The following HOOK2 variants were observed in gnomAD, a reference collection of about 807,000 sequenced individuals.
HOOK2 encodes the protein protein Hook homolog 2.
A neutral mutation model predicts 111.9 loss-of-function variants in HOOK2; 108 were observed. The observed-to-expected ratio is 0.96, with a 90% CI of 0.83 to 1.13. HOOK2 has a LOEUF of 1.13. Ranked by LOEUF, HOOK2 falls within the 50% of genes most tolerant of loss-of-function variation. HOOK2 has a pLI of 0.00. For synonymous variants in HOOK2, 405 were observed against 394.3 expected, an observed-to-expected ratio of 1.03 and a Z score of -0.32; for missense variants, 978 against 951.3, an observed-to-expected ratio of 1.03 and a Z score of -0.37.
chr19:12,787,709 T>C (rs1240988963), intron 3 of HOOK2, among the ~76,000 whole-genome samples: 1 of 152,024 alleles, frequency 6.6e-6, no homozygotes, highest in East Asian at 1.9e-4. Context: ...CCCAAAGTGC[T>C]GAGATTATAG....
At chr19:12,779,567 G>T (rs1417623770), upstream of HOOK2, among the ~76,000 whole-genome samples, 1 of 152,198 alleles carries the variant, frequency 6.6e-6, no homozygotes, top group Non-Finnish European at 1.5e-5. Flanking sequence ...TGTTGCCCAG[G>T]ATGGTCTCGA....
At chr19:12,788,630 G>A (rs973576227) in intron 3 of HOOK2, among the ~76,000 whole-genome samples, 2 of 151,666 alleles carry the variant, frequency 1.3e-5, no homozygotes, top group East Asian at 3.9e-4. Context: ...CCTCAGCCCT[G>A]GCCAGGGCTG....
At chr19:12,773,377 T>C (rs757319148) in intron 3 of HOOK2, 11 of 289,908 alleles carry the variant, frequency 3.8e-5, no homozygotes, top group Non-Finnish European at 7.3e-5. Context: ...TGCCTCCCAG[T>C]AGCTGGGACT....
chr19:12,780,106 C>A (rs901762404), upstream of HOOK2, among the ~76,000 whole-genome samples: 1 of 152,072 alleles, frequency 6.6e-6, no homozygotes, highest in Non-Finnish European at 1.5e-5. Context: ...GCCGAGAACG[C>A]GCCATTACAC....
upstream of HOOK2, among the ~76,000 whole-genome samples, chr19:12,781,573 G>A (rs897784678): frequency 2.6e-5 from 4 of 152,006 alleles, no homozygotes; most frequent in Non-Finnish European, 5.9e-5. Flanking sequence ...TGATCCGCCC[G>A]CCTTGGCCTC....
intron 14 of HOOK2, chr19:12,766,505 G>A (rs778659907): frequency 2.3e-6 from 1 of 439,404 alleles, no homozygotes; most frequent in Admixed American, 4.1e-5. Flanking sequence ...TGGGACTGCT[G>A]GAAAGCGGGA....
chr19:12,789,418 A>T (rs1004971921), intron 3 of HOOK2, among the ~76,000 whole-genome samples: 3 of 152,030 alleles, frequency 2.0e-5, no homozygotes, highest in African/African-American at 7.2e-5. Flanking sequence ...GGAAGCTCTC[A>T]GATGACAGAG....
At chr19:12,773,535 C>T (rs1215285058) in intron 3 of HOOK2, among the ~76,000 whole-genome samples, 1 of 152,090 alleles carries the variant, frequency 6.6e-6, no homozygotes, top group Non-Finnish European at 1.5e-5. Flanking sequence ...GCATGAGCCA[C>T]TGTGCCCGGC....
upstream of HOOK2, among the ~76,000 whole-genome samples, chr19:12,778,121 G>T (rs1968560775): frequency 6.6e-6 from 1 of 151,082 alleles, no homozygotes; most frequent in African/African-American, 2.4e-5. Flanking sequence ...CTAATTAGAG[G>T]TTATTAGCTG....
chr19:12,767,475 C>G lies in HOOK2; in HGVS notation c.1304-11G>C. 1 of 1,610,804 alleles carries G rather than the reference C, an allele frequency of 6.2e-7. No homozygotes were observed. Among genetic ancestry groups the G allele is most frequent in the Non-Finnish European group, 8.5e-7 (1 of 1,177,028 alleles). On this transcript the variant is annotated splice_polypyrimidine_tract_variant and intron_variant, in intron 13 of 22. Coordinates refer to ENST00000397668, the MANE Select transcript of HOOK2 (RefSeq NM_013312.3). Reference sequence around the variant, plus strand: ...GATCCAGTGAGGGATCTGAAGAATGCGAGAAAAGTCTTCAGGTCTCTTCGC... The same window carrying G: ...GATCCAGTGAGGGATCTGAAGAATGGGAGAAAAGTCTTCAGGTCTCTTCGC...
intron 18 of HOOK2, chr19:12,765,293 G>T: frequency 1.6e-6 from 1 of 609,222 alleles, no homozygotes; most frequent in Non-Finnish European, 2.9e-6. Context: ...TAGCAGGTAT[G>T]CCCCGGAACA....
chr19:12,783,020 G>A (rs1177606842), upstream of HOOK2, among the ~76,000 whole-genome samples: 4 of 152,210 alleles, frequency 2.6e-5, no homozygotes, highest in African/African-American at 9.6e-5. Context: ...GTGATCCCGG[G>A]AGAAGGGGGC....
chr19:12,771,605 G>A lies in HOOK2; in HGVS notation c.520-128C>T, dbSNP rs1968330090. On this transcript the variant is annotated intron_variant, in intron 7 of 22. Coordinates refer to ENST00000397668, the MANE Select transcript of HOOK2 (RefSeq NM_013312.3). ...CAGGATTGAAAAGAGGGCTGGCGCC[G>A]GGTGCAGTGGCTCGCGCCTATAATC... 1.9e-5 allele frequency: 15 copies of A among 784,936 alleles called. No homozygotes were observed. In the South Asian group the frequency reaches 1.9e-4, roughly 10 times the overall value. 48.6% of individuals were successfully genotyped at this position (784,936 alleles called of 1,614,324 possible). A position where few individuals can be genotyped will look rare whatever the true frequency, so the allele number is the denominator to read the frequency against.
At chr19:12,784,027 C>G (rs1031176768) in intron 3 of HOOK2, among the ~76,000 whole-genome samples, 14 of 152,048 alleles carry the variant, frequency 9.2e-5, no homozygotes, top group African/African-American at 3.1e-4. Flanking sequence ...GCTGCAGCCC[C>G]ACCCCCGCCG....
chr19:12,775,216 C>CA (rs1183763544), intron 1 of HOOK2, 189 bp downstream of exon 1: 1 of 985,282 alleles, frequency 1.0e-6, no homozygotes, highest in Non-Finnish European at 1.2e-6. Flanking sequence ...GGCGGGGCCT[C>CA]ACCTGTCCTT....
Position 12,770,024 on chromosome 19 carries a change from A to C in HOOK2, c.961T>G (p.Leu321Val). The C allele has an allele frequency of 1.3e-6, 2 of 1,540,874 alleles. No individual in the cohort carries two copies. Among genetic ancestry groups the C allele is most frequent in the East Asian group, 2.5e-5 (1 of 40,748 alleles). The change falls in exon 11 of 23, where the codon TTG becomes GTG. Residue 321 changes from leucine to valine, a missense_variant. By Grantham distance (32) the Leu-to-Val change is conservative (BLOSUM62 1). Around this residue, in one of 5 missense-constraint regions of HOOK2, gnomAD observed 388 missense variants for 358.3 expected, o/e 1.08. Transcript: ENST00000397668. ...EATLTSCRRRLGELRELRRQV... is the reference protein window; with the variant it reads ...EATLTSCRRRVGELRELRRQV... The stretch of plus-strand genomic sequence containing the variant: ...CGCCGCAGCTCCCTCAGCTCGCCCA[A>C]GCGGCGCCGGCAACTGGTCAGCGTG...
intron 19 of HOOK2, 31 bp from the exon 20 acceptor site, chr19:12,764,948 G>A (rs763358592): frequency 3.7e-6 from 6 of 1,612,658 alleles, no homozygotes; most frequent in South Asian, 1.1e-5. Flanking sequence ...TCAGCTCCAC[G>A]CTGCTGGGCT....
chr19:12,768,186 C>A, intron 11 of HOOK2, 63 bp from the exon 12 acceptor site: 1 of 1,300,506 alleles, frequency 7.7e-7, no homozygotes, highest in Non-Finnish European at 1.1e-6. Context: ...GGGCTGAGTA[C>A]AAATGGTCCC....
At chr19:12,776,065 G>C (rs1409351235), upstream of HOOK2, among the ~76,000 whole-genome samples, 1 of 149,144 alleles carries the variant, frequency 6.7e-6, no homozygotes, top group Admixed American at 6.6e-5. Context: ...TTTTAGTAGA[G>C]ACGGGGTTTC....
Sources: gnomAD v4.1 joint callset for allele counts (sites outside exome capture counted in the v4.1 genomes callset) on GRCh38, gnomAD v4.1.1 for gene constraint, gnomAD v4.1.1 regional missense constraint, MANE v1.5 for transcripts, NCBI Gene and HGNC (gene_info 2026-07-23, HGNC 2026-07-21) for gene names.